The following SSH2 variants were observed in gnomAD, a reference collection of about 807,000 sequenced individuals.
SSH2 encodes the protein protein phosphatase Slingshot homolog 2.
In SSH2, 37 loss-of-function variants were observed where a neutral mutation model predicts 135.2. The observed-to-expected ratio is 0.27, with a 90% CI of 0.21 to 0.36. SSH2 has a LOEUF of 0.36. SSH2 is among the 10% of genes least tolerant of loss of function. The pLI is 1.00. For missense variants in SSH2, 1,408 were observed against 1,765.3 expected, an observed-to-expected ratio of 0.80 and a Z score of 3.63; for synonymous variants, 628 against 646.2, an observed-to-expected ratio of 0.97 and a Z score of 0.43.
At position 29,629,474 on chromosome 17, in the gene SSH2, T is replaced by C. The variant is rs960424267; in HGVS notation, c.*1367A>G. 2.6e-5 allele frequency: 4 copies of C among 152,692 alleles called. No individual in the cohort carries two copies. The highest frequency in any genetic ancestry group is 5.9e-5 in the Non-Finnish European group (4 of 68,042). The allele number at this position is 152,692 out of a possible 1,614,324, so 9.5% of individuals were successfully genotyped here. On this transcript the variant is annotated 3_prime_UTR_variant, in exon 16 of 16. Coordinates refer to ENST00000540801, the MANE Select transcript of SSH2 (RefSeq NM_001282129.2). ...TGCATAATTTGGCAGGAGCTGGTGATTGGAAGTCTCCATTTAAACAACTAC... is the reference window on the plus strand; with the variant it reads ...TGCATAATTTGGCAGGAGCTGGTGACTGGAAGTCTCCATTTAAACAACTAC...
chr17:29,757,348 G>A (rs2041160568), intron 3 of SSH2, among the ~76,000 whole-genome samples: 1 of 152,094 alleles, frequency 6.6e-6, no homozygotes, highest in African/African-American at 2.4e-5. Flanking sequence ...CAAGGAGTTT[G>A]ACTTTCTGAA....
intron 1 of SSH2, among the ~76,000 whole-genome samples, chr17:29,922,981 G>A (rs539565626): frequency 2.4e-4 from 37 of 152,298 alleles, no homozygotes; most frequent in African/African-American, 8.9e-4. Flanking sequence ...CACAATCTTG[G>A]CTCACTGCAA....
chr17:29,907,920 A>T (rs1462547478), intron 1 of SSH2, among the ~76,000 whole-genome samples: 1 of 151,010 alleles, frequency 6.6e-6, no homozygotes, highest in Admixed American at 6.6e-5. Flanking sequence ...TCCTGGGCTC[A>T]AGCAATTCTC....
chr17:29,849,839 CAA>C (rs1190678763), intron 1 of SSH2, among the ~76,000 whole-genome samples: 2 of 80,204 alleles, frequency 2.5e-5, no homozygotes, highest in African/African-American at 5.3e-5. Flanking sequence ...GTCTGTACTA[CAA>C]AAAAAAAAAA....
chr17:29,724,385 G>A (rs953764703), intron 3 of SSH2, among the ~76,000 whole-genome samples: 37 of 151,780 alleles, frequency 2.4e-4, no homozygotes, highest in South Asian at 2.1e-4. Flanking sequence ...AAAATTAGCC[G>A]GGCGTGGTGG....
chr17:29,763,917 A>G (rs1480037251), intron 3 of SSH2, among the ~76,000 whole-genome samples: 2 of 151,578 alleles, frequency 1.3e-5, no homozygotes, highest in Non-Finnish European at 2.9e-5. Context: ...AATATAGGAA[A>G]TTAAGAAAGT....
intron 3 of SSH2, among the ~76,000 whole-genome samples, chr17:29,715,001 G>GGACGCA (rs1339769499): frequency 6.6e-6 from 1 of 151,968 alleles, no homozygotes; most frequent in Non-Finnish European, 1.5e-5. Flanking sequence ...AGAGTAGCTG[G>GGACGCA]GATTACAGGC....
intron 3 of SSH2, among the ~76,000 whole-genome samples, chr17:29,793,200 A>G (rs986596681): frequency 1.3e-5 from 2 of 151,960 alleles, no homozygotes; most frequent in East Asian, 1.9e-4. Flanking sequence ...TACTTCCTAG[A>G]TTTCTCTCAC....
Position 29,628,207 on chromosome 17 carries a change from C to G in SSH2, c.*2634G>C, listed in dbSNP as rs1348822384. On this transcript the variant is annotated 3_prime_UTR_variant, in exon 16 of 16. Transcript: ENST00000540801. ...GAGTCTGAAAAGGCTGGCACAAACTCCTTGGCATGGTTGAATGACAGATAT... is the reference window on the plus strand; with the variant it reads ...GAGTCTGAAAAGGCTGGCACAAACTGCTTGGCATGGTTGAATGACAGATAT... 1.3e-5 allele frequency: 2 copies of G among 152,142 alleles called. No individual in the cohort carries two copies. Among genetic ancestry groups the G allele is most frequent in the Non-Finnish European group, 2.9e-5 (2 of 68,042 alleles). The allele number at this position is 152,142 out of a possible 1,614,324, so 9.4% of individuals were successfully genotyped here.
At position 29,627,174 on chromosome 17, in the gene SSH2, A is replaced by G. The variant is rs2035525195; in HGVS notation, c.*3667T>C. ...CCGACAAGATGATGCACATTTTAAT[A>G]TTCAAAATGTAAACAAAGTATCCAC... On this transcript the variant is annotated 3_prime_UTR_variant, in exon 16 of 16. Coordinates refer to ENST00000540801, the MANE Select transcript of SSH2 (RefSeq NM_001282129.2). The G allele has an allele frequency of 6.5e-6, 1 of 152,686 alleles. No homozygotes were observed. The highest frequency in any genetic ancestry group is 2.4e-5 in the African/African-American group (1 of 41,474). 9.5% of individuals were successfully genotyped at this position (152,686 alleles called of 1,614,324 possible).
intron 3 of SSH2, among the ~76,000 whole-genome samples, chr17:29,767,875 A>ATT (rs1567961830): frequency 6.6e-6 from 1 of 152,094 alleles, no homozygotes; most frequent in Non-Finnish European, 1.5e-5. Context: ...TGTTTGTATA[A>ATT]TTTTTGTTCA....
intron 3 of SSH2, among the ~76,000 whole-genome samples, chr17:29,743,558 G>C (rs2040642101): frequency 6.6e-6 from 1 of 152,154 alleles, no homozygotes; most frequent in African/African-American, 2.4e-5. Flanking sequence ...GGGCATAGTA[G>C]ACTACGATAA....
intron 14 of SSH2, among the ~76,000 whole-genome samples, chr17:29,637,561 C>T (rs1000865736): frequency 2.6e-5 from 4 of 152,114 alleles, no homozygotes; most frequent in Admixed American, 6.5e-5. Context: ...GCGGGCAGAT[C>T]GCTTGAGCCC....
intron 14 of SSH2, chr17:29,640,514 A>T (rs1018080962): frequency 6.6e-6 from 1 of 152,134 alleles, no homozygotes; most frequent in Non-Finnish European, 1.5e-5. Context: ...ACCAGCAGGG[A>T]TTTCCTTCTC....
chr17:29,786,812 G>A (rs2041974940), intron 3 of SSH2, among the ~76,000 whole-genome samples: 1 of 152,040 alleles, frequency 6.6e-6, no homozygotes, highest in African/African-American at 2.4e-5. Flanking sequence ...AATATTAGCT[G>A]GGCATAGTGG....
intron 3 of SSH2, among the ~76,000 whole-genome samples, chr17:29,714,669 T>A (rs2039554078): frequency 6.6e-6 from 1 of 152,146 alleles, no homozygotes; most frequent in South Asian, 2.1e-4. Context: ...CTCTTGGTCT[T>A]CAAAGACCTT....
rs187088446 is a variant in SSH2 at position 29,645,082 on chromosome 17, G to A, written c.1427+3062C>T. 2.0e-5 allele frequency: 3 copies of A among 152,366 alleles called. No individual in the cohort carries two copies. The East Asian group carries it at 5.8e-4, about 29-fold the overall frequency. The allele number at this position is 152,366 out of a possible 1,614,324, so 9.4% of individuals were successfully genotyped here. On this transcript the variant is annotated intron_variant, in intron 14 of 15. Coordinates refer to ENST00000540801, the MANE Select transcript of SSH2 (RefSeq NM_001282129.2). The stretch of plus-strand genomic sequence containing the variant: ...AAGAGGAAATAAATGGCACATACAC[G>A]TGTCTTCTGGGTAGCCTTGGAGGAA...
rs982695425 is a variant in SSH2, at chr17:29,631,596, C to T, written c.3598G>A (p.Glu1200Lys). ...AGCTGGGAGTCCTTATATGGCACCT[C>T]ACTGCCACTGGAGAGAGGGCTCTCC... ...SQESPLSSGS[E>K]VPYKDSQLSS... The change falls in exon 16 of 16, where the codon GAG (glutamate) becomes AAG (lysine). Residue 1200 changes from glutamate (E) to lysine (K), a missense_variant. Glu to Lys is a moderately conservative substitution (Grantham distance 56, BLOSUM62 1). This residue lies in a region of SSH2 where 1,080 missense variants were observed against 1,144.5 expected (regional missense o/e 0.94). Coordinates refer to ENST00000540801, the MANE Select transcript of SSH2 (RefSeq NM_001282129.2). 1.2e-6 allele frequency: 2 copies of T among 1,614,176 alleles called. No homozygotes were observed. The highest frequency in any genetic ancestry group is 3.3e-5 in the Admixed American group (2 of 60,030).
At chr17:29,845,706 T>A (rs2043120405) in intron 2 of SSH2, among the ~76,000 whole-genome samples, 1 of 152,012 alleles carries the variant, frequency 6.6e-6, no homozygotes, top group African/African-American at 2.4e-5. Flanking sequence ...ACTACAAGTA[T>A]GTGCCACCAT....
Sources: gnomAD v4.1 joint callset for allele counts (sites outside exome capture counted in the v4.1 genomes callset) on GRCh38, gnomAD v4.1.1 for gene constraint, gnomAD v4.1.1 regional missense constraint, MANE v1.5 for transcripts, NCBI Gene and HGNC (gene_info 2026-07-23, HGNC 2026-07-21) for gene names.